Variants in EML5 observed in about 807,000 individuals in gnomAD.
The protein encoded by EML5 is echinoderm microtubule-associated protein-like 5.
A neutral mutation model predicts 250.0 loss-of-function variants in EML5; 120 were observed. The ratio of observed to expected loss-of-function variants is 0.48; its 90% confidence interval spans 0.41 to 0.56. The LOEUF (loss-of-function observed/expected upper bound fraction) is 0.56, where lower values mean the gene tolerates loss of function less well. EML5 is among the 20% of genes least tolerant of loss of function. The pLI, the probability that EML5 is intolerant of heterozygous loss-of-function variation, is 0.00. For missense variants in EML5, 2,006 were observed against 2,437.6 expected, an observed-to-expected ratio of 0.82 and a Z score of 3.73; for synonymous variants, 771 against 806.5, an observed-to-expected ratio of 0.96 and a Z score of 0.75.
At chr14:88,630,629 C>T (rs370483453) in intron 33 of EML5, among the ~76,000 whole-genome samples, 4 of 152,190 alleles carry the variant, frequency 2.6e-5, no homozygotes, top group Admixed American at 6.5e-5. Context: ...TTAAACCAAT[C>T]AGCACATGGT....
intron 8 of EML5, among the ~76,000 whole-genome samples, chr14:88,722,126 G>A (rs2093599700): frequency 6.6e-6 from 1 of 152,204 alleles, no homozygotes; most frequent in South Asian, 2.1e-4. Context: ...AGATGCTGGT[G>A]AGGTTGAAGA....
intron 30 of EML5, among the ~76,000 whole-genome samples, chr14:88,643,957 C>T (rs1381398807): frequency 6.6e-6 from 1 of 152,150 alleles, no homozygotes; most frequent in Non-Finnish European, 1.5e-5. Context: ...GCCTAAAGAG[C>T]CTTCCTTCTT....
At chr14:88,733,691 G>A (rs2093795364) in intron 7 of EML5, among the ~76,000 whole-genome samples, 1 of 151,936 alleles carries the variant, frequency 6.6e-6, no homozygotes, top group African/African-American at 2.4e-5. Flanking sequence ...AAAATAGACT[G>A]GCACAATGAC....
rs1473796772 is a variant in EML5, at chr14:88,615,035, C to CA, written c.*782dup. 4.6e-5 allele frequency: 7 copies of CA among 152,330 alleles called. No individual in the cohort carries two copies. Among genetic ancestry groups the CA allele is most frequent in the Middle Eastern group, 3.4e-3 (1 of 294 alleles). The allele number at this position is 152,330 out of a possible 1,614,324, so 9.4% of individuals were successfully genotyped here. The stretch of plus-strand genomic sequence containing the variant: ...ATACTGTTGCTCCCTAAAACCCTTA[C>CA]ATTGTACACCATTGGGAATGATTGT... On this transcript the variant is annotated 3_prime_UTR_variant, in exon 44 of 44. Coordinates refer to ENST00000554922, the MANE Select transcript of EML5 (RefSeq NM_183387.3).
chr14:88,625,684 G>A (rs571141094), intron 35 of EML5: 1 of 152,676 alleles, frequency 6.5e-6, no homozygotes, highest in East Asian at 1.9e-4. Context: ...TTATAGGTGT[G>A]AGCCACTGTG....
At chr14:88,749,151 C>G (rs1002716678) in intron 2 of EML5, among the ~76,000 whole-genome samples, 2 of 152,044 alleles carry the variant, frequency 1.3e-5, no homozygotes, top group African/African-American at 4.8e-5. Flanking sequence ...ATTGCTGAAG[C>G]CATCGCTAAA....
intron 1 of EML5, among the ~76,000 whole-genome samples, chr14:88,781,883 T>C (rs2140782704): frequency 6.6e-6 from 1 of 152,344 alleles, no homozygotes; most frequent in South Asian, 2.1e-4. Context: ...ATTATGTTTT[T>C]ATTAGCAGTG....
In EML5 at chr14:88,774,897, G is replaced by A. The variant is rs1480963514; in HGVS notation, c.197+17410C>T. 2.0e-5 allele frequency among the ~76,000 whole-genome samples: 3 copies of A among 152,172 alleles called. 1 individual carries two copies. Among genetic ancestry groups the A allele is most frequent in the Non-Finnish European group, 1.5e-5 (1 of 68,036 alleles). ...AACAGCCTAATTTAAAACCCCACTT[G>A]GTTGTCTATCAGATAATCTCAAATA... is the stretch of plus-strand genomic sequence containing the variant. On this transcript the variant is annotated intron_variant, in intron 1 of 43. Coordinates refer to ENST00000554922, the MANE Select transcript of EML5 (RefSeq NM_183387.3).
Position 88,615,130 on chromosome 14 carries a change from T to G in EML5, c.*688A>C, listed in dbSNP as rs1357388205. On this transcript the variant is annotated 3_prime_UTR_variant, in exon 44 of 44. Transcript: ENST00000554922. ...AATGTGCGATTACAGAGATGGCATC[T>G]GAACATAAACTGATGGCTCGAAAAT... 1 of 152,192 alleles carries G rather than the reference T, an allele frequency of 6.6e-6. No homozygotes were observed. The highest frequency in any genetic ancestry group is 2.4e-5 in the African/African-American group (1 of 41,456). The allele number at this position is 152,192 out of a possible 1,614,324, so 9.4% of individuals were successfully genotyped here. A position where few individuals can be genotyped will look rare whatever the true frequency, so the allele number is the denominator to read the frequency against.
chr14:88,695,212 TG>T (rs2093049433), intron 16 of EML5, 148 bp downstream of exon 16: 1 of 348,880 alleles, frequency 2.9e-6, no homozygotes, highest in Non-Finnish European at 5.0e-6. Flanking sequence ...TCATTTACTA[TG>T]ATTATATTAT....
chr14:88,746,563 TA>T (rs2140303077), intron 2 of EML5, among the ~76,000 whole-genome samples: 1 of 152,092 alleles, frequency 6.6e-6, no homozygotes, highest in South Asian at 2.1e-4. Context: ...AAACTAAAAA[TA>T]CTAGATAAAA....
intron 14 of EML5, among the ~76,000 whole-genome samples, chr14:88,700,720 C>T (rs1309794047): frequency 1.3e-5 from 2 of 152,124 alleles, no homozygotes; most frequent in African/African-American, 4.8e-5. Context: ...AAAAACCTGA[C>T]AACAAAATGT....
intron 21 of EML5, among the ~76,000 whole-genome samples, chr14:88,679,556 G>A (rs2141139778): frequency 1.3e-5 from 2 of 152,192 alleles, no homozygotes; most frequent in South Asian, 4.1e-4. Context: ...GCCAGCCGTG[G>A]TGGCGCACGC....
At chr14:88,760,076 C>A (rs2094217016) in intron 1 of EML5, among the ~76,000 whole-genome samples, 1 of 152,064 alleles carries the variant, frequency 6.6e-6, no homozygotes. Flanking sequence ...AATACAAGTC[C>A]CTTTGTCCTA....
At position 88,688,446 on chromosome 14, in the gene EML5, T is replaced by C; in HGVS notation, c.2567A>G (p.Tyr856Cys). The change falls in exon 18 of 44, where the codon TAC becomes TGC. Residue 856 changes from tyrosine to cysteine, a missense_variant. By Grantham distance (194) the Tyr-to-Cys change is radical (BLOSUM62 -2). Around this residue, in one of 7 missense-constraint regions of EML5, gnomAD observed 1,375 missense variants for 1,590.3 expected, o/e 0.86. Transcript: ENST00000554922. ...GTCATTTTTCCCCAGTGTGCCTATG[T>C]AGCCTTTTCTTCCAATCAATCCTCC... is the stretch of plus-strand genomic sequence containing the variant. Reference protein sequence around the residue: ...AGGGLIGRKGYIGTLGKNDTM... With the variant: ...AGGGLIGRKGCIGTLGKNDTM... The C allele has an allele frequency of 6.2e-7, 1 of 1,613,994 alleles. No homozygotes were observed. The highest frequency in any genetic ancestry group is 8.5e-7 in the Non-Finnish European group (1 of 1,179,896).
intron 9 of EML5, among the ~76,000 whole-genome samples, chr14:88,713,158 G>A (rs1052028851): frequency 3.3e-5 from 5 of 152,086 alleles, no homozygotes; most frequent in East Asian, 1.9e-4. Flanking sequence ...TTGGGAGGCC[G>A]AGACAGGCAG....
intron 10 of EML5, among the ~76,000 whole-genome samples, chr14:88,710,642 T>G (rs1215900273): frequency 6.6e-6 from 1 of 152,156 alleles, no homozygotes; most frequent in Non-Finnish European, 1.5e-5. Flanking sequence ...AATGCAGTAG[T>G]CGTATTCTGT....
In EML5 at chr14:88,650,459, A is replaced by T. The variant is rs142557780; in HGVS notation, c.4005-533T>A. Among the ~76,000 whole-genome samples the T allele has an allele frequency of 2.0e-4, 31 of 151,398 alleles. No homozygotes were observed. The East Asian group carries it at 5.3e-3, about 26-fold the overall frequency. On this transcript the variant is annotated intron_variant, in intron 27 of 43. Transcript: ENST00000554922. ...ACACAGCAAGACTCTGTCTCAAAAG[A>T]ACAAAACAAAACAAAAAAATAAAAA... is the stretch of plus-strand genomic sequence containing the variant.
intron 40 of EML5, 58 bp from the exon 41 acceptor site, chr14:88,618,389 A>G (rs2088122897): frequency 2.0e-6 from 3 of 1,470,814 alleles, no homozygotes; most frequent in African/African-American, 2.8e-5. Context: ...CAAAATCCAC[A>G]GGGGGTTTAC....
Sources: allele counts gnomAD v4.1 joint callset (sites outside exome capture counted in the v4.1 genomes callset), GRCh38; gene constraint gnomAD v4.1.1; regional missense constraint gnomAD v4.1.1; transcripts MANE v1.5; gene names NCBI Gene and HGNC (gene_info 2026-07-23, HGNC 2026-07-21).